VIT: variants seen among roughly 807,000 people sequenced by gnomAD.
VIT encodes vitrin.
In VIT, 99 loss-of-function variants were observed where a neutral mutation model predicts 78.0. The observed-to-expected ratio is 1.27, with a 90% CI of 1.08 to 1.50. The LOEUF (loss-of-function observed/expected upper bound fraction) is 1.50. Ranked by LOEUF, VIT falls within the 40% of genes most tolerant of loss-of-function variation. The probability of loss-of-function intolerance (pLI) is 0.00; values close to 1 mark genes in which losing one functional copy is unlikely to be tolerated. For missense variants in VIT, 1,126 were observed against 875.3 expected (o/e 1.29, Z -3.61); for synonymous variants, 374 against 334.3 (o/e 1.12, Z -1.29).
At chr2:36,715,527 C>T (rs187268780) in intron 1 of VIT, among the ~76,000 whole-genome samples, 49 of 149,656 alleles carry the variant, frequency 3.3e-4, no homozygotes, top group Non-Finnish European at 4.3e-4. Flanking sequence ...CAGAGTGAGA[C>T]TACGTCTAAA....
In VIT at chr2:36,805,113, G is replaced by A. The variant is rs555027124; in HGVS notation, c.1163-325G>A. On this transcript the variant is annotated intron_variant, in intron 13 of 15. Coordinates refer to ENST00000379242, the MANE Select transcript of VIT (RefSeq NM_053276.4). ...AGCCCATGAGTTTGAGACCAGCCTA[G>A]GCAGCATGGCAAAACCTCGTCTCTA... Among the ~76,000 whole-genome samples, 7 of 152,044 alleles carry A rather than the reference G, an allele frequency of 4.6e-5. No homozygotes were observed. In the South Asian group the frequency reaches 1.5e-3, roughly 32 times the overall value.
At chr2:36,734,142 C>A (rs924990532) in intron 3 of VIT, among the ~76,000 whole-genome samples, 18 of 152,160 alleles carry the variant, frequency 1.2e-4, no homozygotes, top group African/African-American at 4.3e-4. Context: ...GTGCTTTAAC[C>A]AGCTCTCCAG....
intron 11 of VIT, 67 bp from the exon 12 acceptor site, chr2:36,787,062 C>G: frequency 2.5e-6 from 4 of 1,585,298 alleles, no homozygotes; most frequent in Non-Finnish European, 3.4e-6. Context: ...GAAAGAGGAA[C>G]AAGAGGATGC....
chr2:36,787,040 G>C, intron 11 of VIT, 89 bp from the exon 12 acceptor site: 1 of 1,497,626 alleles, frequency 6.7e-7, no homozygotes, highest in Non-Finnish European at 9.2e-7. Context: ...TTTCTCAGGG[G>C]GCTCTGATGG....
intron 1 of VIT, among the ~76,000 whole-genome samples, chr2:36,710,310 T>C (rs1306592018): frequency 6.6e-6 from 1 of 152,220 alleles, no homozygotes; most frequent in African/African-American, 2.4e-5. Context: ...CCTTCCCGTC[T>C]CTGATCACCA....
intron 6 of VIT, among the ~76,000 whole-genome samples, chr2:36,766,678 G>T (rs1431390101): frequency 6.6e-6 from 1 of 152,118 alleles, no homozygotes; most frequent in Admixed American, 6.5e-5. Context: ...TATTCTCTAA[G>T]ACTAGGTCAT....
chr2:36,813,815 G>C (rs1486211547), intron 15 of VIT, among the ~76,000 whole-genome samples: 1 of 152,136 alleles, frequency 6.6e-6, no homozygotes, highest in African/African-American at 2.4e-5. Flanking sequence ...GGCCCCAAAA[G>C]TTTCACTTGT....
chr2:36,801,136 C>G (rs556307133), intron 12 of VIT, among the ~76,000 whole-genome samples, 165 bp from the exon 13 acceptor site: 1 of 152,220 alleles, frequency 6.6e-6, no homozygotes, highest in Non-Finnish European at 1.5e-5. Context: ...GAAATAGCCT[C>G]CTTTTCTCTA....
chr2:36,759,099 A>G (rs752468548), intron 6 of VIT, 53 bp downstream of exon 6: 1 of 1,614,170 alleles, frequency 6.2e-7, no homozygotes, highest in East Asian at 2.2e-5. Flanking sequence ...TGAACACGCG[A>G]CGTGTTTTGG....
At chr2:36,796,687 C>T (rs1307923752) in intron 12 of VIT, among the ~76,000 whole-genome samples, 1 of 151,840 alleles carries the variant, frequency 6.6e-6, no homozygotes, top group Non-Finnish European at 1.5e-5. Context: ...GGCTGGTCTC[C>T]AACTCCTGAG....
intron 4 of VIT, among the ~76,000 whole-genome samples, chr2:36,752,359 T>C (rs1668514067): frequency 6.6e-6 from 1 of 152,142 alleles, no homozygotes; most frequent in African/African-American, 2.4e-5. Flanking sequence ...ATTCGACACC[T>C]GGCCCTAGCA....
chr2:36,711,912 A>G (rs1665825429), intron 1 of VIT, among the ~76,000 whole-genome samples: 1 of 152,098 alleles, frequency 6.6e-6, no homozygotes, highest in African/African-American at 2.4e-5. Context: ...CATATTTGGG[A>G]TTCTTTATGT....
chr2:36,700,765 T>G (rs1042265771), intron 1 of VIT, among the ~76,000 whole-genome samples: 1 of 151,966 alleles, frequency 6.6e-6, no homozygotes, highest in Non-Finnish European at 1.5e-5. Flanking sequence ...TAATAATAAC[T>G]GCTAACACTT....
chr2:36,758,877 T>G (rs181138482), intron 5 of VIT, 92 bp from the exon 6 acceptor site: 3 of 1,097,536 alleles, frequency 2.7e-6, no homozygotes, highest in East Asian at 2.4e-5. Flanking sequence ...TGAAGAGAGA[T>G]AAATTGAAAG....
At chr2:36,714,867 A>C (rs1666027162) in intron 1 of VIT, among the ~76,000 whole-genome samples, 1 of 152,232 alleles carries the variant, frequency 6.6e-6, no homozygotes, top group African/African-American at 2.4e-5. Flanking sequence ...CAGAATGCAC[A>C]GAATATACTC....
At chr2:36,755,173 C>A (rs1668690077) in intron 5 of VIT, 119 bp downstream of exon 5, 3 of 1,115,176 alleles carry the variant, frequency 2.7e-6, no homozygotes, top group Admixed American at 3.5e-5. Flanking sequence ...CTGAAGCATT[C>A]GTTTTTCTGA....
At chr2:36,778,771 C>T (rs1265758731) in intron 9 of VIT, among the ~76,000 whole-genome samples, 5 of 152,160 alleles carry the variant, frequency 3.3e-5, no homozygotes, top group African/African-American at 1.2e-4. Context: ...AGAAGCAGCT[C>T]TCCAGGGAAA....
intron 2 of VIT, among the ~76,000 whole-genome samples, chr2:36,722,437 T>C (rs535424275): frequency 1.2e-4 from 18 of 152,368 alleles, no homozygotes; most frequent in East Asian, 3.9e-4. Flanking sequence ...TGAAGCATAA[T>C]TTTATGATTT....
chr2:36,751,270 C>A (rs909035259), intron 4 of VIT, among the ~76,000 whole-genome samples: 1 of 152,122 alleles, frequency 6.6e-6, no homozygotes, highest in African/African-American at 2.4e-5. Context: ...GTGGTGGGTG[C>A]CTATAATGCC....
Sources: allele counts gnomAD v4.1 joint callset (sites outside exome capture counted in the v4.1 genomes callset), GRCh38; gene constraint gnomAD v4.1.1; transcripts MANE v1.5; gene names NCBI Gene and HGNC (gene_info 2026-07-23, HGNC 2026-07-21).